Variants in LRRTM4 observed in about 807,000 individuals in gnomAD.
The protein encoded by LRRTM4 is leucine-rich repeat transmembrane neuronal protein 4.
In LRRTM4, 25 loss-of-function variants were observed where a neutral mutation model predicts 47.6. The observed-to-expected ratio is 0.53, with a 90% CI of 0.38 to 0.73. The LOEUF (loss-of-function observed/expected upper bound fraction) is 0.73. Ranked by LOEUF, LRRTM4 falls within the 30% of genes least tolerant of loss-of-function variation. The pLI is 0.00. For synonymous variants in LRRTM4, 311 were observed against 269.5 expected (o/e 1.15, Z -1.51); for missense variants, 638 against 713.4 (o/e 0.89, Z 1.20).
intron 3 of LRRTM4, among the ~76,000 whole-genome samples, chr2:77,167,188 G>A (rs1011693903): frequency 5.9e-5 from 9 of 152,110 alleles, no homozygotes; most frequent in African/African-American, 2.2e-4. Context: ...GCAGCTAACA[G>A]ACTCATGAAA....
At chr2:77,130,171 T>G (rs1354024173) in intron 3 of LRRTM4, among the ~76,000 whole-genome samples, 1 of 152,210 alleles carries the variant, frequency 6.6e-6, no homozygotes, top group Non-Finnish European at 1.5e-5. Flanking sequence ...GTAATAAATC[T>G]ATTACTAGGG....
chr2:76,797,571 A>C (rs1393646869), intron 3 of LRRTM4, among the ~76,000 whole-genome samples: 2 of 151,964 alleles, frequency 1.3e-5, no homozygotes, highest in South Asian at 2.1e-4. Flanking sequence ...CCAGCAAAAG[A>C]GCGAGCTAAC....
At chr2:77,422,302 A>G (rs751007303) in intron 3 of LRRTM4, among the ~76,000 whole-genome samples, 1 of 152,222 alleles carries the variant, frequency 6.6e-6, no homozygotes, top group Non-Finnish European at 1.5e-5. Context: ...GGATTTTGGT[A>G]TTCATTATTA....
intron 3 of LRRTM4, among the ~76,000 whole-genome samples, chr2:77,389,833 A>G (rs868832053): frequency 1.3e-5 from 2 of 151,036 alleles, no homozygotes; most frequent in Non-Finnish European, 1.5e-5. Context: ...TCTTCTTTTC[A>G]TTTCTTGAGC....
intron 3 of LRRTM4, among the ~76,000 whole-genome samples, chr2:76,931,560 C>A (rs1674770812): frequency 6.6e-6 from 1 of 152,092 alleles, no homozygotes; most frequent in Non-Finnish European, 1.5e-5. Flanking sequence ...CTCAGTGTCT[C>A]CTAGTTGTCC....
At chr2:77,148,670 TAGAA>T (rs944182897) in intron 3 of LRRTM4, among the ~76,000 whole-genome samples, 4 of 152,124 alleles carry the variant, frequency 2.6e-5, no homozygotes, top group African/African-American at 9.7e-5. Context: ...AAAAAGGGAA[TAGAA>T]AGCCCTTACA....
intron 3 of LRRTM4, among the ~76,000 whole-genome samples, chr2:76,977,555 C>A (rs1465215531): frequency 4.6e-5 from 7 of 151,930 alleles, no homozygotes; most frequent in Admixed American, 3.3e-4. Context: ...CCTGTGATTT[C>A]CAAGGTATCT....
At chr2:77,410,289 G>C (rs1374248670) in intron 3 of LRRTM4, among the ~76,000 whole-genome samples, 1 of 152,082 alleles carries the variant, frequency 6.6e-6, no homozygotes, top group Non-Finnish European at 1.5e-5. Context: ...TTGGGAAAAT[G>C]GGACCAACCA....
At chr2:77,503,159 G>A (rs1249082900) in intron 3 of LRRTM4, among the ~76,000 whole-genome samples, 1 of 151,402 alleles carries the variant, frequency 6.6e-6, no homozygotes, top group Non-Finnish European at 1.5e-5. Context: ...TTTGGAAGCT[G>A]CACCTTGCCT....
At chr2:76,961,604 G>A (rs1264389776) in intron 3 of LRRTM4, among the ~76,000 whole-genome samples, 5 of 151,322 alleles carry the variant, frequency 3.3e-5, no homozygotes, top group African/African-American at 4.8e-5. Context: ...AAAGTGGAAT[G>A]GATGTTGGAC....
chr2:77,093,917 CCCCACTCCTGCCCG>C (rs1276537121), intron 3 of LRRTM4, among the ~76,000 whole-genome samples: 1 of 151,018 alleles, frequency 6.6e-6, no homozygotes, highest in Non-Finnish European at 1.5e-5. Flanking sequence ...ACCTTGCGAC[CCCCACTCCTGCCCG>C]CCAGAGAACA....
chr2:76,776,064 A>G (rs1433512791), intron 3 of LRRTM4, among the ~76,000 whole-genome samples: 3 of 152,158 alleles, frequency 2.0e-5, no homozygotes, highest in Non-Finnish European at 4.4e-5. Flanking sequence ...AATTTCATCC[A>G]TGTCCCTACA....
At chr2:77,062,928 CTT>C (rs1359277377) in intron 3 of LRRTM4, among the ~76,000 whole-genome samples, 1 of 140,694 alleles carries the variant, frequency 7.1e-6, no homozygotes, top group African/African-American at 2.6e-5. Context: ...TTCAGTTCCT[CTT>C]GTTCTTTTTT....
chr2:77,142,945 G>A (rs939555228), intron 3 of LRRTM4, among the ~76,000 whole-genome samples: 3 of 152,118 alleles, frequency 2.0e-5, no homozygotes, highest in Admixed American at 2.0e-4. Context: ...TTTTAGTTCA[G>A]GGAGTTGTGC....
chr2:76,831,963 T>C (rs532597817), intron 3 of LRRTM4, among the ~76,000 whole-genome samples: 6 of 152,216 alleles, frequency 3.9e-5, no homozygotes, highest in Non-Finnish European at 8.8e-5. Context: ...AAAAGCAGTA[T>C]CTTCTCCAGA....
chr2:77,139,750 T>C (rs1234858035), intron 3 of LRRTM4, among the ~76,000 whole-genome samples: 1 of 152,172 alleles, frequency 6.6e-6, no homozygotes, highest in Non-Finnish European at 1.5e-5. Context: ...CAAATCTCCT[T>C]AAGTGGATAA....
At chr2:77,390,083 C>G (rs1291348630) in intron 3 of LRRTM4, among the ~76,000 whole-genome samples, 1 of 152,082 alleles carries the variant, frequency 6.6e-6, no homozygotes, top group African/African-American at 2.4e-5. Context: ...ATCTTACATT[C>G]AAATTCAGCA....
chr2:76,967,814 CTT>C (rs74587692), intron 3 of LRRTM4, among the ~76,000 whole-genome samples: 7,938 of 147,598 alleles, frequency 0.054, 480 homozygotes, highest in East Asian at 0.14. Flanking sequence ...TTTTGCTTTG[CTT>C]TTTTTTTTAA....
At chr2:77,308,973 T>C (rs1471400373) in intron 3 of LRRTM4, among the ~76,000 whole-genome samples, 2 of 152,118 alleles carry the variant, frequency 1.3e-5, no homozygotes, top group Admixed American at 6.5e-5. Context: ...AATCTCATTT[T>C]CAAACCCAGA....
Sources: allele counts gnomAD v4.1 joint callset (sites outside exome capture counted in the v4.1 genomes callset), GRCh38; gene constraint gnomAD v4.1.1; transcripts MANE v1.5; gene names NCBI Gene and HGNC (gene_info 2026-07-23, HGNC 2026-07-21).